Variants in MAP2 observed in about 807,000 individuals in gnomAD.
The protein encoded by MAP2 is microtubule associated protein 2, also known as microtubule-associated protein 2.
In MAP2, 14 loss-of-function variants were observed where a neutral mutation model predicts 137.6. That is an observed-to-expected ratio of 0.10 (90% CI 0.07 to 0.16). The LOEUF is 0.16. MAP2 is among the 10% of genes least tolerant of loss of function. The pLI is 1.00. For missense variants in MAP2, 2,088 were observed against 2,191.5 expected (o/e 0.95, Z 0.94); for synonymous variants, 786 against 782.3 (o/e 1.00, Z -0.08).
chr2:209,669,051 A>G (rs938906822), intron 5 of MAP2, among the ~76,000 whole-genome samples: 1 of 152,090 alleles, frequency 6.6e-6, no homozygotes, highest in African/African-American at 2.4e-5. Flanking sequence ...GCTGGTGTAA[A>G]GAGAATCTTT....
chr2:209,690,849 G>A (rs773415498), intron 7 of MAP2: 11 of 1,274,686 alleles, frequency 8.6e-6, no homozygotes, highest in African/African-American at 1.5e-5. Context: ...GCTGGGGAAG[G>A]TGTGTCTTTC....
chr2:209,710,447 T>G, intron 13 of MAP2, 193 bp downstream of exon 13: 1 of 566,520 alleles, frequency 1.8e-6, no homozygotes, highest in Non-Finnish European at 3.1e-6. Flanking sequence ...GACATGCCCA[T>G]TCCTTCTGTT....
At chr2:209,590,775 G>A (rs1283367041) in intron 3 of MAP2, among the ~76,000 whole-genome samples, 2 of 152,234 alleles carry the variant, frequency 1.3e-5, no homozygotes, top group Non-Finnish European at 2.9e-5. Context: ...TGATTGAAGA[G>A]TGCTGCTCTG....
At chr2:209,489,197 A>G (rs1016164990) in intron 1 of MAP2, among the ~76,000 whole-genome samples, 44 of 152,168 alleles carry the variant, frequency 2.9e-4, no homozygotes, top group African/African-American at 9.6e-4. Context: ...CAGAAGAGGG[A>G]CCTGACTGTC....
At chr2:209,667,522 C>A (rs1411240824) in intron 5 of MAP2, among the ~76,000 whole-genome samples, 3 of 151,856 alleles carry the variant, frequency 2.0e-5, no homozygotes, top group African/African-American at 7.2e-5. Context: ...GGCTCCTGTA[C>A]ATGAAATACT....
intron 2 of MAP2, among the ~76,000 whole-genome samples, chr2:209,524,271 T>C (rs2063700466): frequency 6.6e-6 from 1 of 152,190 alleles, no homozygotes; most frequent in Admixed American, 6.5e-5. Context: ...TATCTAATTT[T>C]AGAAATATGA....
At chr2:209,504,099 A>AG (rs530918442) in intron 1 of MAP2, among the ~76,000 whole-genome samples, 1 of 93,794 alleles carries the variant, frequency 1.1e-5, no homozygotes, top group African/African-American at 3.1e-5. Context: ...CTGTCTCTGG[A>AG]AAAAAAAAAA....
At chr2:209,562,876 C>A (rs183896931) in intron 2 of MAP2, among the ~76,000 whole-genome samples, 97 of 152,258 alleles carry the variant, frequency 6.4e-4, no homozygotes, top group African/African-American at 2.3e-3. Flanking sequence ...AATTGGGGGT[C>A]ATGTTTCATT....
chr2:209,641,346 A>G (rs2094007226), intron 4 of MAP2, among the ~76,000 whole-genome samples: 1 of 152,126 alleles, frequency 6.6e-6, no homozygotes, highest in African/African-American at 2.4e-5. Context: ...ATTTATCCAA[A>G]TCCAAATTAT....
chr2:209,687,212 C>A (rs1469252915), intron 7 of MAP2, among the ~76,000 whole-genome samples: 1 of 149,512 alleles, frequency 6.7e-6, no homozygotes, highest in Non-Finnish European at 1.5e-5. Flanking sequence ...ACTTGTGCAT[C>A]CTAGATAATT....
At chr2:209,553,383 A>G (rs1214203981) in intron 2 of MAP2, among the ~76,000 whole-genome samples, 1 of 152,120 alleles carries the variant, frequency 6.6e-6, no homozygotes, top group Non-Finnish European at 1.5e-5. Context: ...ATTAAAAGAG[A>G]TCCTGGTGTT....
chr2:209,665,887 G>C (rs1333885459), intron 5 of MAP2, among the ~76,000 whole-genome samples: 1 of 151,964 alleles, frequency 6.6e-6, no homozygotes, highest in Non-Finnish European at 1.5e-5. Flanking sequence ...GAATGAAAAT[G>C]CTCCCATTTA....
Position 209,695,040 on chromosome 2 carries a change from A to G in MAP2, c.2870A>G (p.Asn957Ser), listed in dbSNP as rs1366099301. Reference protein sequence around the residue: ...SKEFDQEKKANDRLDTVLEKS... With the variant: ...SKEFDQEKKASDRLDTVLEKS... ...GAGTTTGACCAAGAGAAGAAAGCTA[A>G]TGATAGGTTGGATACTGTACTAGAA... Residue 957 changes from asparagine to serine, a missense_variant, in exon 8 of 16, where the codon AAT becomes AGT. Around this residue, in one of 6 missense-constraint regions of MAP2, gnomAD observed 500 missense variants for 482.9 expected, o/e 1.04. Coordinates refer to ENST00000682079, the MANE Select transcript of MAP2 (RefSeq NM_001375505.1). 2 of 1,614,186 alleles carry G rather than the reference A, an allele frequency of 1.2e-6. No homozygotes were observed. The highest frequency in any genetic ancestry group is 1.7e-6 in the Non-Finnish European group (2 of 1,180,036).
intron 2 of MAP2, among the ~76,000 whole-genome samples, chr2:209,564,421 T>A (rs2072913697): frequency 6.6e-6 from 1 of 152,084 alleles, no homozygotes; most frequent in Non-Finnish European, 1.5e-5. Context: ...AAACTGGATT[T>A]AATGAACCAG....
intron 1 of MAP2, among the ~76,000 whole-genome samples, chr2:209,505,884 A>G (rs1258783940): frequency 1.3e-5 from 2 of 151,922 alleles, no homozygotes; most frequent in Non-Finnish European, 2.9e-5. Flanking sequence ...AGGTGGGAGG[A>G]CCGATTGAGC....
intron 7 of MAP2, among the ~76,000 whole-genome samples, chr2:209,691,008 G>A (rs757040794): frequency 1.5e-4 from 23 of 152,164 alleles, no homozygotes; most frequent in Non-Finnish European, 2.5e-4. Context: ...TGTGGCTTGC[G>A]CAAGTGCTGT....
At chr2:209,641,022 A>G (rs74590382) in intron 4 of MAP2, among the ~76,000 whole-genome samples, 21,484 of 151,888 alleles carry the variant, frequency 0.14, 1,938 homozygotes, top group African/African-American at 0.25. Flanking sequence ...GCCCTGTTAC[A>G]ATACCAGAAA....
intron 2 of MAP2, among the ~76,000 whole-genome samples, chr2:209,553,896 C>T (rs950548130): frequency 6.6e-6 from 1 of 152,062 alleles, no homozygotes; most frequent in Non-Finnish European, 1.5e-5. Flanking sequence ...GTAGAGTTAG[C>T]GGATTTCTGT....
chr2:209,678,422 T>G, intron 5 of MAP2, 150 bp from the exon 6 acceptor site: 1 of 369,372 alleles, frequency 2.7e-6, no homozygotes, highest in East Asian at 4.2e-5. Flanking sequence ...TATATATGTG[T>G]TTATGTTTTC....
Sources: gnomAD v4.1 joint callset for allele counts (sites outside exome capture counted in the v4.1 genomes callset) on GRCh38, gnomAD v4.1.1 for gene constraint, gnomAD v4.1.1 regional missense constraint, MANE v1.5 for transcripts, NCBI Gene and HGNC (gene_info 2026-07-23, HGNC 2026-07-21) for gene names.